Variants in CLEC16A observed in about 807,000 individuals in gnomAD.
CLEC16A encodes protein CLEC16A.
CLEC16A carries 51 observed loss-of-function variants against 109.5 expected under a neutral mutation model. The ratio of observed to expected loss-of-function variants is 0.47; its 90% CI spans 0.37 to 0.59. CLEC16A has a LOEUF of 0.59. CLEC16A is among the 20% of genes least tolerant of loss of function. The pLI is 0.00. For synonymous variants in CLEC16A, 673 were observed against 564.2 expected, an observed-to-expected ratio of 1.19 and a Z score of -2.73; for missense variants, 1,339 against 1,394.0, an observed-to-expected ratio of 0.96 and a Z score of 0.63.
intron 11 of CLEC16A, among the ~76,000 whole-genome samples, chr16:11,012,003 T>A (rs2045448814): frequency 1.3e-5 from 2 of 152,104 alleles, no homozygotes; most frequent in Non-Finnish European, 2.9e-5. Context: ...GTTCAGGATG[T>A]TTTTGCAATT....
At chr16:10,945,619 G>A (rs1454947716) in intron 1 of CLEC16A, among the ~76,000 whole-genome samples, 1 of 152,160 alleles carries the variant, frequency 6.6e-6, no homozygotes, top group Non-Finnish European at 1.5e-5. Flanking sequence ...ACCTCTCTGA[G>A]CCTCCAGATT....
intron 22 of CLEC16A, among the ~76,000 whole-genome samples, chr16:11,138,016 C>T (rs572545038): frequency 6.6e-6 from 1 of 152,166 alleles, no homozygotes; most frequent in South Asian, 2.1e-4. Context: ...CTCTTCAAAG[C>T]ACGGCAGCTC....
intron 22 of CLEC16A, among the ~76,000 whole-genome samples, chr16:11,153,167 G>A (rs913841501): frequency 1.3e-5 from 2 of 152,114 alleles, no homozygotes; most frequent in African/African-American, 4.8e-5. Flanking sequence ...GCCAGTTACT[G>A]CCCTCCGCCT....
At position 11,176,399 on chromosome 16, in the gene CLEC16A, ATCTC is replaced by A. The variant is rs147056708; in HGVS notation, c.2807-1918_2807-1915del. On this transcript the variant is annotated intron_variant, in intron 23 of 23. Transcript: ENST00000409790. ...AGCCTCATGCAGTGGTTTCCTCTAGATCTCTCTCTCTCTCTCTCTCTTTTAAAAA... is the reference window on the plus strand; with the variant it reads ...AGCCTCATGCAGTGGTTTCCTCTAGATCTCTCTCTCTCTCTCTTTTAAAAA... Among the ~76,000 whole-genome samples the A allele has an allele frequency of 4.8e-3, 723 of 150,436 alleles. 5 individuals carry two copies. Among genetic ancestry groups the A allele is most frequent in the Non-Finnish European group, 6.4e-3 (432 of 67,408 alleles).
At chr16:10,983,776 G>C in intron 10 of CLEC16A, among the ~76,000 whole-genome samples, 1 of 152,074 alleles carries the variant, frequency 6.6e-6, no homozygotes, top group East Asian at 1.9e-4. Flanking sequence ...AGCATGTCCA[G>C]CATTTGTGCC....
Position 11,042,360 on chromosome 16 carries a change from G to T in CLEC16A, c.1767G>T (p.Leu589=). 6.3e-7 allele frequency: 1 copy of T among 1,578,074 alleles called. No homozygotes were observed. Among genetic ancestry groups the T allele is most frequent in the East Asian group, 2.3e-5 (1 of 43,016 alleles). ...CIMKDVHLAC[L]EGAREESVHL... ...TGAAGGACGTGCACCTGGCCTGCCT[G>T]GAGGTAACGCCCTCTCCGCTCCTCC... Residue 589 remains leucine (L), a synonymous_variant, in exon 15 of 24, where the codon CTG becomes CTT. Coordinates refer to ENST00000409790, the MANE Select transcript of CLEC16A (RefSeq NM_015226.3).
chr16:10,979,993 G>C (rs915854575), intron 9 of CLEC16A, among the ~76,000 whole-genome samples: 1 of 152,132 alleles, frequency 6.6e-6, no homozygotes, highest in Non-Finnish European at 1.5e-5. Flanking sequence ...TGGCGACCCA[G>C]TTACATAACT....
intron 22 of CLEC16A, among the ~76,000 whole-genome samples, chr16:11,154,360 G>A (rs1349372679): frequency 6.6e-6 from 1 of 152,236 alleles, no homozygotes. Context: ...ATAGTCATGT[G>A]TCTTGAATGC....
At chr16:10,976,691 A>C (rs999868920) in intron 7 of CLEC16A, among the ~76,000 whole-genome samples, 1 of 152,172 alleles carries the variant, frequency 6.6e-6, no homozygotes, top group African/African-American at 2.4e-5. Context: ...CCCAAGAGAC[A>C]TTACCCCCTG....
chr16:11,090,463 G>T (rs533025351), intron 19 of CLEC16A, among the ~76,000 whole-genome samples: 22 of 152,182 alleles, frequency 1.4e-4, no homozygotes, highest in Non-Finnish European at 2.6e-4. Context: ...TCAGGCAGCG[G>T]AGTGATGTTG....
chr16:11,156,479 A>G (rs1460650764), intron 22 of CLEC16A: 6 of 640,044 alleles, frequency 9.4e-6, no homozygotes, highest in African/African-American at 1.9e-5. Flanking sequence ...CTCCTGGTGC[A>G]TTCCTGATTC....
chr16:10,952,935 C>T (rs1476301022), intron 1 of CLEC16A, among the ~76,000 whole-genome samples: 1 of 152,196 alleles, frequency 6.6e-6, no homozygotes, highest in Non-Finnish European at 1.5e-5. Context: ...CAGAATGTTA[C>T]ACTATTGTAA....
intron 17 of CLEC16A, 37 bp from the exon 18 acceptor site, chr16:11,051,476 G>T (rs1183775100): frequency 3.8e-6 from 6 of 1,590,120 alleles, no homozygotes; most frequent in Middle Eastern, 1.7e-4. Context: ...TCCAAGTAAG[G>T]AATCTGCTTT....
intron 11 of CLEC16A, among the ~76,000 whole-genome samples, chr16:11,018,981 T>C (rs1267552390): frequency 6.6e-6 from 1 of 152,052 alleles, no homozygotes; most frequent in African/African-American, 2.4e-5. Context: ...CTTGGGTTTG[T>C]GTGGAGAATA....
intron 22 of CLEC16A, among the ~76,000 whole-genome samples, chr16:11,145,769 G>T (rs1196964290): frequency 6.6e-6 from 1 of 152,254 alleles, no homozygotes; most frequent in Non-Finnish European, 1.5e-5. Context: ...CCCCACTGTT[G>T]CTCTCCTTGC....
At chr16:10,993,965 G>T (rs1046168229) in intron 10 of CLEC16A, among the ~76,000 whole-genome samples, 1 of 152,204 alleles carries the variant, frequency 6.6e-6, no homozygotes, top group African/African-American at 2.4e-5. Flanking sequence ...TGACACGCCA[G>T]AGGTCACTTT....
intron 13 of CLEC16A, among the ~76,000 whole-genome samples, 190 bp from the exon 14 acceptor site, chr16:11,039,564 C>G (rs193090258): frequency 1.3e-5 from 2 of 152,004 alleles, no homozygotes; most frequent in Admixed American, 1.3e-4. Context: ...GAGTTCAAGT[C>G]CAGCCTGGGA....
chr16:11,169,225 C>T (rs2068401858), intron 23 of CLEC16A, among the ~76,000 whole-genome samples: 1 of 152,210 alleles, frequency 6.6e-6, no homozygotes, highest in South Asian at 2.1e-4. Context: ...GAGCGGCTGC[C>T]AGACCCTCCG....
At chr16:11,086,388 T>G (rs182424630) in intron 19 of CLEC16A, among the ~76,000 whole-genome samples, 32 of 152,356 alleles carry the variant, frequency 2.1e-4, no homozygotes, top group Admixed American at 2.1e-3. Context: ...GTGGGATTAT[T>G]ATGAGGATTC....
Sources: allele counts gnomAD v4.1 joint callset (sites outside exome capture counted in the v4.1 genomes callset), GRCh38; gene constraint gnomAD v4.1.1; transcripts MANE v1.5; gene names NCBI Gene and HGNC (gene_info 2026-07-23, HGNC 2026-07-21).